DEAF1: variants seen among roughly 807,000 people sequenced by gnomAD.
DEAF1 encodes the protein DEAF1 transcription factor, also known as deformed epidermal autoregulatory factor 1 homolog.
Under a neutral mutation model 58.9 loss-of-function variants are expected in DEAF1, and 53 were observed. That is an observed-to-expected ratio of 0.90 (90% confidence interval 0.72 to 1.13). DEAF1 has a LOEUF of 1.13. Ranked by LOEUF, DEAF1 falls within the 50% of genes most tolerant of loss-of-function variation. DEAF1 has a pLI of 0.00. For synonymous variants in DEAF1, 385 were observed against 340.4 expected, an observed-to-expected ratio of 1.13 and a Z score of -1.44; for missense variants, 685 against 791.4, an observed-to-expected ratio of 0.87 and a Z score of 1.61.
At chr11:691,257 A>G (rs1262566830) in intron 2 of DEAF1, among the ~76,000 whole-genome samples, 2 of 152,240 alleles carry the variant, frequency 1.3e-5, no homozygotes, top group Non-Finnish European at 2.9e-5. Context: ...CGCAGGCCAC[A>G]AGCCCATCTG....
intron 10 of DEAF1, among the ~76,000 whole-genome samples, chr11:655,494 C>A (rs918602486): frequency 6.6e-6 from 1 of 152,170 alleles, no homozygotes; most frequent in African/African-American, 2.4e-5. Flanking sequence ...CTAGGAGAGG[C>A]CTTGGCGCCG....
At position 690,660 on chromosome 11, in the gene DEAF1, G is replaced by A. The variant is rs149835186; in HGVS notation, c.387+841C>T. 4.7e-3 allele frequency among the ~76,000 whole-genome samples: 717 copies of A among 151,948 alleles called. 6 individuals carry two copies. Among genetic ancestry groups the A allele is most frequent in the African/African-American group, 0.016 (681 of 41,460 alleles). On this transcript the variant is annotated intron_variant, in intron 2 of 11. Transcript: ENST00000382409. The stretch of plus-strand genomic sequence containing the variant: ...ACTCAGGAGGCTGAGGCACAAGAAT[G>A]GCTTGAACCCAGGAGGCGGAGGTTG...
chr11:694,818 T>A lies in DEAF1; in HGVS notation c.230A>T (p.Asp77Val). ...GCCGGGCAGGGCCTCGGCGCCCATG[T>A]CCATGTGCCCGGGCTCCGCCGCCAT... ...AVMAAEPGHM[D>V]MGAEALPGPD... The change falls in exon 1 of 12, where the codon GAC (aspartate) becomes GTC (valine). Residue 77 changes from aspartate to valine, a missense_variant. Around this residue, in one of 3 missense-constraint regions of DEAF1, gnomAD observed 210 missense variants for 177.3 expected, o/e 1.18. Transcript: ENST00000382409. 6.9e-7 allele frequency: 1 copy of A among 1,441,850 alleles called. No individual in the cohort carries two copies. Among genetic ancestry groups the A allele is most frequent in the Non-Finnish European group, 9.1e-7 (1 of 1,099,760 alleles). The allele number at this position is 1,441,850 out of a possible 1,614,324, so 89.3% of individuals were successfully genotyped here. A position where few individuals can be genotyped will look rare whatever the true frequency, so the allele number is the denominator to read the frequency against.
At chr11:695,815 C>A, upstream of DEAF1, 1 of 1,232,096 alleles carries the variant, frequency 8.1e-7, no homozygotes, top group Non-Finnish European at 1.0e-6. Flanking sequence ...GACCGGCGGG[C>A]GGGGCGGGTA....
chr11:658,541 T>C (rs913702504), intron 10 of DEAF1, among the ~76,000 whole-genome samples: 3 of 152,292 alleles, frequency 2.0e-5, no homozygotes, highest in African/African-American at 4.8e-5. Flanking sequence ...AGTCCCATTC[T>C]GCGCTTTCAG....
Position 688,360 on chromosome 11 carries a change from A to C in DEAF1, c.488T>G (p.Leu163Arg). The part of the protein sequence containing the change: ...TDGSIVETTG[L>R]KGPAAPLTPG... ...GGTGAGGGGAGCTGCCGGGCCTTTC[A>C]GCCCGGTGGTCTCCACGATGCTCCC... The change falls in exon 3 of 12, where the codon CTG becomes CGG. Residue 163 changes from leucine to arginine, a missense_variant. Coordinates refer to ENST00000382409, the MANE Select transcript of DEAF1 (RefSeq NM_021008.4). This position sits in a 1 kb window ranked among gnomAD's most constrained non-coding sequence, Gnocchi z 4.3. 6.2e-7 allele frequency: 1 copy of C among 1,613,844 alleles called. No individual in the cohort carries two copies. Among genetic ancestry groups the C allele is most frequent in the East Asian group, 2.2e-5 (1 of 44,890 alleles).
At chr11:699,999 A>G (rs902318636), upstream of DEAF1, 13 of 635,774 alleles carry the variant, frequency 2.0e-5, no homozygotes, top group Admixed American at 5.6e-5. Context: ...AGCCTCAGAT[A>G]GGCAGTGAGC....
upstream of DEAF1, chr11:699,081 A>G (rs925526061): frequency 1.2e-5 from 8 of 677,614 alleles, no homozygotes; most frequent in South Asian, 1.0e-4. Flanking sequence ...TCCATCCCCT[A>G]CCTGCTCAGC....
intron 10 of DEAF1, among the ~76,000 whole-genome samples, chr11:662,781 C>G (rs1859372506): frequency 6.6e-6 from 1 of 152,228 alleles, no homozygotes; most frequent in Admixed American, 6.5e-5. Context: ...GTCCAAGTGA[C>G]CACCACCTTT....
chr11:645,885 G>C (rs541091138), intron 11 of DEAF1, among the ~76,000 whole-genome samples: 21 of 152,334 alleles, frequency 1.4e-4, no homozygotes, highest in Admixed American at 4.6e-4. Context: ...ATGACACACA[G>C]AGCAGAAATA....
At chr11:649,756 T>C (rs949617267) in intron 11 of DEAF1, among the ~76,000 whole-genome samples, 2 of 151,718 alleles carry the variant, frequency 1.3e-5, no homozygotes, top group African/African-American at 4.9e-5. Context: ...TCCAGTGCGG[T>C]GGCTCACACC....
Position 686,964 on chromosome 11 carries a change from T to C in DEAF1, c.698A>G (p.Asn233Ser), listed in dbSNP as rs1184102616. Residue 233 changes from asparagine to serine, a missense_variant, in exon 5 of 12, where the codon AAC (asparagine) becomes AGC (serine). Coordinates refer to ENST00000382409, the MANE Select transcript of DEAF1 (RefSeq NM_021008.4). Reference protein sequence around the residue: ...GRGRCIKQGENWYSPTEFEAM... With the variant: ...GRGRCIKQGESWYSPTEFEAM... ...CTCAAACTCGGTGGGACTGTACCAG[T>C]TCTCCCCCTGCTTGATGCACCGTCC... 1.2e-6 allele frequency: 2 copies of C among 1,614,216 alleles called. No individual in the cohort carries two copies. The highest frequency in any genetic ancestry group is 3.3e-5 in the Admixed American group (2 of 60,022).
chr11:683,779 A>G (rs1316242403), intron 6 of DEAF1, among the ~76,000 whole-genome samples: 2 of 152,156 alleles, frequency 1.3e-5, no homozygotes, highest in East Asian at 1.9e-4. Flanking sequence ...ACGTATTTCA[A>G]TCTTCCCTGG....
chr11:704,644 T>C (rs1409044090), intron 1 of DEAF1: 1 of 1,289,054 alleles, frequency 7.8e-7, no homozygotes, highest in Non-Finnish European at 1.0e-6. Flanking sequence ...CCTTCATGGT[T>C]AATGGATCCT....
At chr11:652,261 C>T (rs768543937) in intron 11 of DEAF1, among the ~76,000 whole-genome samples, 2 of 152,192 alleles carry the variant, frequency 1.3e-5, no homozygotes, top group Non-Finnish European at 2.9e-5. Context: ...GAATCCAGCA[C>T]ACACTTCCAA....
intron 9 of DEAF1, 104 bp downstream of exon 9, chr11:678,587 AAAC>A (rs1860186747): frequency 6.4e-7 from 1 of 1,563,444 alleles, no homozygotes; most frequent in Non-Finnish European, 8.8e-7. Context: ...GCATCAACAA[AAAC>A]AACAAACCAA....
In DEAF1 at chr11:644,708, G is replaced by A. The variant is rs770055967; in HGVS notation, c.1594-54C>T. 2.8e-5 allele frequency: 41 copies of A among 1,450,498 alleles called. No homozygotes were observed. Among genetic ancestry groups the A allele is most frequent in the Non-Finnish European group, 3.7e-5 (39 of 1,058,714 alleles). The allele number at this position is 1,450,498 out of a possible 1,614,324, so 89.9% of individuals were successfully genotyped here. On this transcript the variant is annotated intron_variant, in intron 11 of 11. Coordinates refer to ENST00000382409, the MANE Select transcript of DEAF1 (RefSeq NM_021008.4). This position sits in a 1 kb window ranked among gnomAD's most constrained non-coding sequence, Gnocchi z 4.3. ...AGGGTCAGTGGGTGGAGCAGGGTCT[G>A]GGCAGGGTCCCCAAGGCAGACCCCA...
At chr11:702,953 G>GT (rs1183420908) in intron 1 of DEAF1, 1 of 1,606,392 alleles carries the variant, frequency 6.2e-7, no homozygotes, top group Non-Finnish European at 8.5e-7. Context: ...AGGCACCAGG[G>GT]GCAACCTGAC....
chr11:700,054 CAG>C (rs772722672), upstream of DEAF1: 10 of 1,071,832 alleles, frequency 9.3e-6, no homozygotes, highest in African/African-American at 1.6e-5. Flanking sequence ...GGCCACCAAA[CAG>C]ATGACAGAAC....
Sources: gnomAD v4.1 joint callset for allele counts (sites outside exome capture counted in the v4.1 genomes callset) on GRCh38, gnomAD v4.1.1 for gene constraint, gnomAD v4.1.1 regional missense constraint, Gnocchi (gnomAD v3.1) non-coding constraint, MANE v1.5 for transcripts, NCBI Gene and HGNC (gene_info 2026-07-23, HGNC 2026-07-21) for gene names.